Variants in PTK6 observed in about 807,000 individuals in gnomAD.
The protein encoded by PTK6 is protein tyrosine kinase 6.
A neutral mutation model predicts 47.5 loss-of-function variants in PTK6; 47 were observed. That is an observed-to-expected ratio of 0.99 (90% CI 0.78 to 1.26). The LOEUF is 1.26. PTK6 is among the 50% of genes most tolerant of loss of function. The pLI is 0.00. For synonymous variants in PTK6, 287 were observed against 276.5 expected (o/e 1.04, Z -0.38); for missense variants, 618 against 625.3 (o/e 0.99, Z 0.12).
chr20:63,529,854 A>G lies in PTK6; in HGVS notation c.1169-131T>C. The G allele has an allele frequency of 8.6e-7, 1 of 1,161,772 alleles. No homozygotes were observed. The highest frequency in any genetic ancestry group is 1.2e-6 in the Non-Finnish European group (1 of 839,586). The allele number at this position is 1,161,772 out of a possible 1,614,324, so 72.0% of individuals were successfully genotyped here. A position where few individuals can be genotyped will look rare whatever the true frequency, so the allele number is the denominator to read the frequency against. On this transcript the variant is annotated intron_variant, in intron 7 of 7. Transcript: ENST00000542869. This position sits in a 1 kb window ranked among gnomAD's most constrained non-coding sequence, Gnocchi z 5.6. ...CAGCTGCCATGCCTTGGCGCCACCC[A>G]GCACACTGTCCACTGCTAACACCTC...
intron 4 of PTK6, 43 bp from the exon 5 acceptor site, chr20:63,532,730 C>T: frequency 6.3e-7 from 1 of 1,598,882 alleles, no homozygotes; most frequent in Non-Finnish European, 8.5e-7. Context: ...CCCTGACCCC[C>T]CAGGCCCCAA....
chr20:63,535,012 TGCAGCCGAC>T lies in PTK6; in HGVS notation c.269_277del (p.Arg90_Leu92del). 1.2e-6 allele frequency: 2 copies of T among 1,608,756 alleles called. No homozygotes were observed. The highest frequency in any genetic ancestry group is 8.5e-7 in the Non-Finnish European group (1 of 1,177,456). On this transcript the variant is annotated inframe_deletion, in exon 2 of 8. Coordinates refer to ENST00000542869, the MANE Select transcript of PTK6 (RefSeq NM_005975.4). ...GGCGCCCGTGGCGTTGCCCTCGGCC[TGCAGCCGAC>T]GCACAGCTTCCGAGCGGGAGATGCA...
At position 63,537,168 on chromosome 20, in the gene PTK6, C is replaced by T. The variant is rs781304810; in HGVS notation, c.147G>A (p.Leu49=). The change falls in exon 1 of 8, where the codon CTG becomes CTA. Residue 49 remains leucine, a synonymous_variant. Coordinates refer to ENST00000542869, the MANE Select transcript of PTK6 (RefSeq NM_005975.4). ...CCACGGCCCCACCCGCCTCGTCCAG[C>T]AGCGTGGCCCACCACCACTGCTCCT... ...RKEEQWWWAT[L]LDEAGGAVAQ... is the part of the protein sequence containing the mutation. 10 of 1,612,348 alleles carry T rather than the reference C, an allele frequency of 6.2e-6. No homozygotes were observed. The highest frequency in any genetic ancestry group is 8.5e-6 in the Non-Finnish European group (10 of 1,179,830).
In PTK6 at chr20:63,535,040, A is replaced by C. The variant is rs2082654053; in HGVS notation, c.250T>G (p.Ser84Ala). 1 of 1,602,598 alleles carries C rather than the reference A, an allele frequency of 6.2e-7. No homozygotes were observed. Among genetic ancestry groups the C allele is most frequent in the African/African-American group, 1.3e-5 (1 of 74,740 alleles). The change falls in exon 2 of 8, where the codon TCC (serine) becomes GCC (alanine). Residue 84 changes from serine (S) to alanine (A), a missense_variant. Transcript: ENST00000542869. Reference sequence around the variant, plus strand: ...AGCCGACGCACAGCTTCCGAGCGGGAGATGCAGCCAAAGAACCACCTGCAG... The same window carrying C: ...AGCCGACGCACAGCTTCCGAGCGGGCGATGCAGCCAAAGAACCACCTGCAG... ...ESEPWFFGCI[S>A]RSEAVRRLQA... is the part of the protein sequence containing the mutation.
At chr20:63,535,493 A>G (rs932482319) in intron 1 of PTK6, among the ~76,000 whole-genome samples, 5 of 152,006 alleles carry the variant, frequency 3.3e-5, no homozygotes, top group African/African-American at 9.7e-5. Context: ...TCACTTGCCC[A>G]CACGCTCACA....
intron 1 of PTK6, 51 bp from the exon 2 acceptor site, chr20:63,535,110 A>C: frequency 6.5e-7 from 1 of 1,531,416 alleles, no homozygotes; most frequent in Non-Finnish European, 8.8e-7. Flanking sequence ...CCCCACGTGG[A>C]CCCCACGCTG....
At chr20:63,532,466 A>C (rs1600934415) in intron 5 of PTK6, 60 bp downstream of exon 5, 5 of 1,521,294 alleles carry the variant, frequency 3.3e-6, no homozygotes, top group South Asian at 2.5e-5. Flanking sequence ...GGGGGTGTGC[A>C]CTTTATTTCC....
rs765115063 is a variant in PTK6, at chr20:63,534,223, G to A, written c.445C>T (p.Pro149Ser). The change falls in exon 3 of 8, where the codon CCC becomes TCC. Residue 149 changes from proline to serine, a missense_variant. Transcript: ENST00000542869. ...LNEAVSFLSL[P>S]ELVNYHRAQS... ...GCCCTGTGGTAGTTCACAAGCTCGGGCAGGCTGAGGAAGGACACCGCCTCG... is the reference window on the plus strand; with the variant it reads ...GCCCTGTGGTAGTTCACAAGCTCGGACAGGCTGAGGAAGGACACCGCCTCG... 2.3e-5 allele frequency: 36 copies of A among 1,598,412 alleles called. No homozygotes were observed. The highest frequency in any genetic ancestry group is 6.9e-5 in the Admixed American group (4 of 58,272).
intron 5 of PTK6, 136 bp downstream of exon 5, chr20:63,532,387 GTGT>G (rs2082631254): frequency 9.0e-7 from 1 of 1,111,702 alleles, no homozygotes; most frequent in African/African-American, 2.2e-5. Context: ...GTCTGTGTCT[GTGT>G]CTGTGTGTGC....
chr20:63,534,077 CT>C (rs2082645512), intron 3 of PTK6, 74 bp downstream of exon 3: 3 of 1,461,910 alleles, frequency 2.1e-6, no homozygotes, highest in East Asian at 5.0e-5. Flanking sequence ...CCCGGCCAAC[CT>C]CTCCCAGTAG....
rs762958768 is a variant in PTK6, at chr20:63,534,959, TC to T, written c.330del (p.Ser111ValfsTer29). 3.7e-6 allele frequency: 6 copies of T among 1,605,410 alleles called. No individual in the cohort carries two copies. Among genetic ancestry groups the T allele is most frequent in the Non-Finnish European group, 4.2e-6 (5 of 1,176,826 alleles). On this transcript the variant is annotated frameshift_variant, in exon 2 of 8. Transcript: ENST00000542869. LOFTEE classifies it high-confidence loss of function. ...GCACCCGACAGGACGTAGTCGGCAC[TC>T]GGCTTCTCGCTGACCCTGATCAGGA... ...GAFLIRVSEK[P>X]SADYVLSVRD...
chr20:63,531,032 C>G, intron 5 of PTK6, 105 bp from the exon 6 acceptor site: 1 of 1,121,026 alleles, frequency 8.9e-7, no homozygotes, highest in Non-Finnish European at 1.2e-6. Context: ...GCTCTGCGGG[C>G]TCAGAGGAGG....
chr20:63,534,958 C>G lies in PTK6; in HGVS notation c.332G>C (p.Ser111Thr). The change falls in exon 2 of 8, where the codon AGT (serine) becomes ACT (threonine). Residue 111 changes from serine to threonine, a missense_variant. Physicochemically the swap from Ser to Thr is moderately conservative, Grantham distance 58 (BLOSUM62 1). Coordinates refer to ENST00000542869, the MANE Select transcript of PTK6 (RefSeq NM_005975.4). ...AFLIRVSEKP[S>T]ADYVLSVRDT... The stretch of plus-strand genomic sequence containing the variant: ...CGCACCCGACAGGACGTAGTCGGCA[C>G]TCGGCTTCTCGCTGACCCTGATCAG... The G allele has an allele frequency of 1.9e-6, 3 of 1,605,278 alleles. No homozygotes were observed. Among genetic ancestry groups the G allele is most frequent in the Non-Finnish European group, 2.5e-6 (3 of 1,176,806 alleles).
Position 63,530,665 on chromosome 20 carries a change from C to A in PTK6, c.1014+81G>T, listed in dbSNP as rs2082611044. 1 of 1,507,794 alleles carries A rather than the reference C, an allele frequency of 6.6e-7. No homozygotes were observed. Among genetic ancestry groups the A allele is most frequent in the Non-Finnish European group, 9.0e-7 (1 of 1,110,724 alleles). The allele number at this position is 1,507,794 out of a possible 1,614,324, so 93.4% of individuals were successfully genotyped here. The stretch of plus-strand genomic sequence containing the variant: ...GCCGCATCCTGCTCCCAGCCGAGTC[C>A]CCAGCTCCACACACAGGAAGCCCCC... On this transcript the variant is annotated intron_variant, in intron 6 of 7. Transcript: ENST00000542869. The surrounding 1 kb of genome is among the most constrained non-coding windows in gnomAD (Gnocchi z 4.1).
At position 63,530,799 on chromosome 20, in the gene PTK6, C is replaced by G; in HGVS notation, c.961G>C (p.Gly321Arg). Residue 321 changes from glycine (G) to arginine (R), a missense_variant, in exon 6 of 8, where the codon GGG (glycine) becomes CGG (arginine). Transcript: ENST00000542869. This position sits in a 1 kb window ranked among gnomAD's most constrained non-coding sequence, Gnocchi z 4.1. The part of the protein sequence containing the change: ...RDLAARNILV[G>R]ENTLCKVGDF... The stretch of plus-strand genomic sequence containing the variant: ...CCAACTTTGCAGAGGGTGTTTTCCC[C>G]GACGAGGATGTTCCTGGCGGCCAGG... 6.2e-7 allele frequency: 1 copy of G among 1,614,078 alleles called. No individual in the cohort carries two copies. The highest frequency in any genetic ancestry group is 8.5e-7 in the Non-Finnish European group (1 of 1,179,988).
Position 63,530,141 on chromosome 20 carries a change from C to T in PTK6, c.1105G>A (p.Asp369Asn), listed in dbSNP as rs140052862. 8.7e-6 allele frequency: 14 copies of T among 1,614,070 alleles called. No individual in the cohort carries two copies. In the African/African-American group the frequency reaches 9.3e-5, roughly 11 times the overall value. ...LSRGHYSTKS[D>N]VWSFGILLHE... ...AGGAGAATCCCAAAGGACCAGACGT[C>T]GGATTTGGTGGAGTAATGGCCTCGG... is the stretch of plus-strand genomic sequence containing the variant. Residue 369 changes from aspartate (D) to asparagine (N), a missense_variant, in exon 7 of 8, where the codon GAC (aspartate) becomes AAC (asparagine). Physicochemically the swap from Asp to Asn is conservative, Grantham distance 23 (BLOSUM62 1). Transcript: ENST00000542869. The surrounding 1 kb of genome is among the most constrained non-coding windows in gnomAD (Gnocchi z 4.1).
At chr20:63,534,522 C>T (rs1273969645) in intron 2 of PTK6, among the ~76,000 whole-genome samples, 3 of 152,194 alleles carry the variant, frequency 2.0e-5, no homozygotes, top group Non-Finnish European at 4.4e-5. Context: ...CTCCTGCCCC[C>T]GTGCCAGGCA....
Position 63,530,317 on chromosome 20 carries a change from C to T in PTK6, c.1015-86G>A. 1.3e-6 allele frequency: 2 copies of T among 1,531,212 alleles called. No individual in the cohort carries two copies. The highest frequency in any genetic ancestry group is 2.3e-5 in the East Asian group (1 of 44,002). The allele number at this position is 1,531,212 out of a possible 1,614,324, so 94.9% of individuals were successfully genotyped here. On this transcript the variant is annotated intron_variant, in intron 6 of 7. Transcript: ENST00000542869. The surrounding 1 kb of genome is among the most constrained non-coding windows in gnomAD (Gnocchi z 4.1). ...TGGACGGGCACAGCGGCCGCATTGC[C>T]CCAGCAGTGGGACGGTGATGACCCC... is the stretch of plus-strand genomic sequence containing the variant.
Position 63,529,903 on chromosome 20 carries a change from C to G in PTK6, c.1168+175G>C, listed in dbSNP as rs1160133674. The G allele has an allele frequency of 2.8e-6, 3 of 1,069,970 alleles. No individual in the cohort carries two copies. Among genetic ancestry groups the G allele is most frequent in the Non-Finnish European group, 3.9e-6 (3 of 761,352 alleles). 66.3% of individuals were successfully genotyped at this position (1,069,970 alleles called of 1,614,324 possible). A position where few individuals can be genotyped will look rare whatever the true frequency, so the allele number is the denominator to read the frequency against. On this transcript the variant is annotated intron_variant, in intron 7 of 7. Coordinates refer to ENST00000542869, the MANE Select transcript of PTK6 (RefSeq NM_005975.4). The surrounding 1 kb of genome is among the most constrained non-coding windows in gnomAD (Gnocchi z 5.6). ...TCCCTCTGGACAGGGCTCCAACAGG[C>G]AGCTCCAGGCACCAGCCTGGGTGCT...
Sources: gnomAD v4.1 joint callset for allele counts (sites outside exome capture counted in the v4.1 genomes callset) on GRCh38, gnomAD v4.1.1 for gene constraint, Gnocchi (gnomAD v3.1) non-coding constraint, MANE v1.5 for transcripts, NCBI Gene and HGNC (gene_info 2026-07-23, HGNC 2026-07-21) for gene names.